OSBPL1A: variants seen among roughly 807,000 people sequenced by gnomAD.
OSBPL1A encodes the protein oxysterol binding protein like 1A, also known as oxysterol-binding protein-related protein 1.
OSBPL1A carries 80 observed loss-of-function variants against 137.1 expected under a neutral mutation model. That is an observed-to-expected ratio of 0.58 (90% confidence interval 0.49 to 0.70). The LOEUF is 0.70. OSBPL1A is among the 30% of genes least tolerant of loss of function. The probability of loss-of-function intolerance (pLI) is 0.00; values close to 1 mark genes in which losing one functional copy is unlikely to be tolerated. For synonymous variants in OSBPL1A, 365 were observed against 389.7 expected (o/e 0.94, Z 0.75); for missense variants, 970 against 1,129.4 (o/e 0.86, Z 2.02).
At chr18:24,281,990 T>G (rs914075121) in intron 14 of OSBPL1A, among the ~76,000 whole-genome samples, 1 of 152,006 alleles carries the variant, frequency 6.6e-6, no homozygotes, top group East Asian at 1.9e-4. Flanking sequence ...ATATGAGGGA[T>G]TTAGGTTGCG....
At chr18:24,239,995 G>A (rs1303867417) in intron 15 of OSBPL1A, among the ~76,000 whole-genome samples, 8 of 136,176 alleles carry the variant, frequency 5.9e-5, no homozygotes, top group African/African-American at 2.2e-4. Flanking sequence ...GTGCGATCTC[G>A]ACTCTGAAAC....
chr18:24,228,693 A>C (rs2088174199), intron 16 of OSBPL1A, among the ~76,000 whole-genome samples: 1 of 152,192 alleles, frequency 6.6e-6, no homozygotes, highest in Non-Finnish European at 1.5e-5. Context: ...TTGTATCAGG[A>C]AAGAACTGTG....
chr18:24,269,851 A>AACACACACACACACACACACACACAC (rs147895357), intron 15 of OSBPL1A, among the ~76,000 whole-genome samples: 5 of 140,078 alleles, frequency 3.6e-5, no homozygotes, highest in African/African-American at 1.1e-4. Context: ...TGACAAGCCT[A>AACACACACACACACACACACACACAC]ACACACACAC....
intron 15 of OSBPL1A, among the ~76,000 whole-genome samples, chr18:24,273,585 A>G (rs1484488152): frequency 6.6e-6 from 1 of 152,226 alleles, no homozygotes; most frequent in African/African-American, 2.4e-5. Flanking sequence ...GTCTGATCCC[A>G]AAGCCTGAAT....
intron 1 of OSBPL1A, among the ~76,000 whole-genome samples, chr18:24,379,217 G>A (rs1906406736): frequency 6.6e-6 from 1 of 152,152 alleles, no homozygotes; most frequent in Non-Finnish European, 1.5e-5. Flanking sequence ...TTAAGAAAAT[G>A]GGAGATAAAA....
chr18:24,377,087 A>T (rs1906231084), intron 2 of OSBPL1A, among the ~76,000 whole-genome samples: 1 of 152,256 alleles, frequency 6.6e-6, no homozygotes, highest in African/African-American at 2.4e-5. Context: ...GTGGGAGCCC[A>T]GGCAGAGGAG....
At chr18:24,371,054 C>T (rs533677755) in intron 2 of OSBPL1A, among the ~76,000 whole-genome samples, 73 of 152,276 alleles carry the variant, frequency 4.8e-4, no homozygotes, top group African/African-American at 1.7e-3. Flanking sequence ...CTCACTTCAA[C>T]GTTTATCATA....
intron 13 of OSBPL1A, among the ~76,000 whole-genome samples, chr18:24,305,350 T>C (rs2090479749): frequency 6.6e-6 from 1 of 152,174 alleles, no homozygotes; most frequent in East Asian, 1.9e-4. Flanking sequence ...TGATCGACGA[T>C]TTACTTGTTT....
intron 16 of OSBPL1A, among the ~76,000 whole-genome samples, chr18:24,229,390 T>G (rs770240175): frequency 6.6e-6 from 1 of 152,212 alleles, no homozygotes; most frequent in African/African-American, 2.4e-5. Flanking sequence ...AAAAACTAGT[T>G]GCTTAAAAGC....
chr18:24,364,027 C>T (rs2091666587), intron 4 of OSBPL1A, among the ~76,000 whole-genome samples: 1 of 151,950 alleles, frequency 6.6e-6, no homozygotes, highest in South Asian at 2.1e-4. Context: ...AGCTGATGAG[C>T]AATCTCAACT....
intron 15 of OSBPL1A, among the ~76,000 whole-genome samples, chr18:24,244,738 G>A (rs377717735): frequency 2.0e-5 from 3 of 152,154 alleles, no homozygotes; most frequent in East Asian, 1.9e-4. Flanking sequence ...GTGAATGGGC[G>A]CCAGCAAGAG....
chr18:24,213,281 G>A (rs11873517), intron 17 of OSBPL1A, among the ~76,000 whole-genome samples: 2,758 of 152,202 alleles, frequency 0.018, 85 homozygotes, highest in East Asian at 0.12. Flanking sequence ...TTAATAATTT[G>A]ATGTGGCCAG....
chr18:24,216,840 A>G (rs370172394), intron 17 of OSBPL1A, among the ~76,000 whole-genome samples: 1 of 152,178 alleles, frequency 6.6e-6, no homozygotes, highest in Non-Finnish European at 1.5e-5. Context: ...GTAGCAATGA[A>G]CATCCTTACC....
At chr18:24,285,176 C>G (rs1323362947) in intron 14 of OSBPL1A, among the ~76,000 whole-genome samples, 1 of 152,202 alleles carries the variant, frequency 6.6e-6, no homozygotes, top group African/African-American at 2.4e-5. Flanking sequence ...TGTATGTTGT[C>G]TCTCTGTGAC....
In OSBPL1A at chr18:24,196,117, T is replaced by G. The variant is rs773157292; in HGVS notation, c.1677+8A>C. ...GCTTAATATCATATGACAAAACCAT[T>G]AATTTACCATTCCAATACATTTTCT... On this transcript the variant is annotated splice_region_variant and intron_variant, in intron 18 of 27. Coordinates refer to ENST00000319481, the MANE Select transcript of OSBPL1A (RefSeq NM_080597.4). The G allele has an allele frequency of 1.4e-5, 22 of 1,600,410 alleles. No individual in the cohort carries two copies. Among genetic ancestry groups the G allele is most frequent in the Non-Finnish European group, 1.9e-5 (22 of 1,169,882 alleles).
At chr18:24,250,154 T>TTTTGTTTG (rs202046633) in intron 15 of OSBPL1A, among the ~76,000 whole-genome samples, 4 of 45,532 alleles carry the variant, frequency 8.8e-5, no homozygotes, top group African/African-American at 2.2e-4. Flanking sequence ...GTTTGTGTGT[T>TTTTGTTTG]TTTGTTTGTT....
intron 18 of OSBPL1A, 72 bp downstream of exon 18, chr18:24,196,053 T>C: frequency 8.0e-7 from 1 of 1,242,570 alleles, no homozygotes; most frequent in Non-Finnish European, 1.2e-6. Flanking sequence ...ATGCAAACTT[T>C]TAGGTTCCTT....
chr18:24,224,378 T>C (rs2087996763), intron 17 of OSBPL1A, among the ~76,000 whole-genome samples: 1 of 152,182 alleles, frequency 6.6e-6, no homozygotes, highest in African/African-American at 2.4e-5. Context: ...CATCCTTCAC[T>C]GATCATTTTA....
At chr18:24,300,084 T>A (rs1568010663) in intron 14 of OSBPL1A, among the ~76,000 whole-genome samples, 5 of 152,198 alleles carry the variant, frequency 3.3e-5, no homozygotes, top group Admixed American at 1.3e-4. Flanking sequence ...AACCAGGCTT[T>A]TGATAAAGAT....
Sources: allele counts gnomAD v4.1 joint callset (sites outside exome capture counted in the v4.1 genomes callset), GRCh38; gene constraint gnomAD v4.1.1; transcripts MANE v1.5; gene names NCBI Gene and HGNC (gene_info 2026-07-23, HGNC 2026-07-21).